Variants in LINGO2 observed in about 807,000 individuals in gnomAD.
LINGO2 encodes the protein leucine rich repeat and Ig domain containing 2, also known as leucine-rich repeat and immunoglobulin-like domain-containing nogo receptor-interacting protein 2.
Under a neutral mutation model 30.6 loss-of-function variants are expected in LINGO2, and 14 were observed. The ratio of observed to expected loss-of-function variants is 0.46; its 90% confidence interval spans 0.30 to 0.72. The LOEUF (loss-of-function observed/expected upper bound fraction) is 0.72, where lower values mean the gene tolerates loss of function less well. LINGO2 is among the 30% of genes least tolerant of loss of function. LINGO2 has a pLI of 0.07. For synonymous variants in LINGO2, 317 were observed against 288.5 expected, an observed-to-expected ratio of 1.10 and a Z score of -1.00; for missense variants, 729 against 751.7, an observed-to-expected ratio of 0.97 and a Z score of 0.35.
chr9:29,176,079 AT>A, the LINGO2 span, among the ~76,000 whole-genome samples: 1 of 152,282 alleles, frequency 6.6e-6, no homozygotes, highest in East Asian at 1.9e-4. Context: ...TGAGAGACAG[AT>A]ATTTACTGAG....
the LINGO2 span, among the ~76,000 whole-genome samples, chr9:28,825,490 C>T: frequency 2.0e-5 from 3 of 151,538 alleles, no homozygotes; most frequent in Admixed American, 6.6e-5. Context: ...ACACTGACGT[C>T]AAGAACTTCC....
the LINGO2 span, among the ~76,000 whole-genome samples, chr9:28,918,300 C>A: frequency 1.3e-5 from 2 of 152,138 alleles, no homozygotes; most frequent in Admixed American, 6.5e-5. Flanking sequence ...ATGGGGAAAA[C>A]CACCCCCCCA....
chr9:28,455,543 G>A (rs1824811561), intron 2 of LINGO2, among the ~76,000 whole-genome samples: 1 of 151,996 alleles, frequency 6.6e-6, no homozygotes, highest in Non-Finnish European at 1.5e-5. Context: ...CATGAGTGTA[G>A]GATGCAACTA....
intron 4 of LINGO2, among the ~76,000 whole-genome samples, chr9:28,021,784 T>C (rs534412130): frequency 1.8e-4 from 27 of 152,282 alleles, no homozygotes; most frequent in African/African-American, 6.5e-4. Flanking sequence ...TTTCGTTTAA[T>C]ACACTACTTC....
In LINGO2 at chr9:28,073,837, G is replaced by C. The variant is rs995690035; in HGVS notation, c.-86-61432C>G. Among the ~76,000 whole-genome samples the C allele has an allele frequency of 7.2e-5, 11 of 152,188 alleles. 1 individual carries two copies. Among genetic ancestry groups the C allele is most frequent in the African/African-American group, 2.4e-4 (10 of 41,536 alleles). ...GAGGCCAGGTGTTCAAGACAAGCCT[G>C]GACAATATAGCCACACCACTCTCTC... On this transcript the variant is annotated intron_variant, in intron 4 of 5. Coordinates refer to ENST00000379992, the Ensembl canonical transcript of LINGO2.
intron 5 of LINGO2, among the ~76,000 whole-genome samples, chr9:27,954,254 A>G (rs759836899): frequency 6.6e-6 from 1 of 152,192 alleles, no homozygotes; most frequent in Non-Finnish European, 1.5e-5. Flanking sequence ...ATTATTAACT[A>G]CAGTCACTCT....
At chr9:28,675,426 A>T in the LINGO2 span, among the ~76,000 whole-genome samples, 4 of 152,134 alleles carry the variant, frequency 2.6e-5, no homozygotes, top group Non-Finnish European at 5.9e-5. Flanking sequence ...TCAAGTTCTA[A>T]ATAAAAGCTT....
the LINGO2 span, among the ~76,000 whole-genome samples, chr9:29,125,588 T>C: frequency 6.6e-6 from 1 of 152,114 alleles, no homozygotes; most frequent in African/African-American, 2.4e-5. Flanking sequence ...TCTTATTGGT[T>C]TTGATTACAG....
At chr9:29,152,414 T>G in the LINGO2 span, among the ~76,000 whole-genome samples, 1 of 152,142 alleles carries the variant, frequency 6.6e-6, no homozygotes, top group African/African-American at 2.4e-5. Flanking sequence ...TCAAGCTAGG[T>G]GCCATCAACA....
At chr9:29,046,543 G>T in the LINGO2 span, among the ~76,000 whole-genome samples, 1 of 152,082 alleles carries the variant, frequency 6.6e-6, no homozygotes, top group African/African-American at 2.4e-5. Context: ...CTAGCCATAT[G>T]CAGAAGATTG....
At chr9:27,957,812 A>G (rs1819650669) in intron 5 of LINGO2, among the ~76,000 whole-genome samples, 1 of 152,248 alleles carries the variant, frequency 6.6e-6, no homozygotes, top group Non-Finnish European at 1.5e-5. Context: ...ATATTATAAC[A>G]GTATTGAACA....
chr9:29,179,589 G>C, the LINGO2 span, among the ~76,000 whole-genome samples: 1 of 152,018 alleles, frequency 6.6e-6, no homozygotes, highest in South Asian at 2.1e-4. Context: ...ATTTTTAGTA[G>C]AGACAGGGTT....
the LINGO2 span, among the ~76,000 whole-genome samples, chr9:28,931,319 G>A: frequency 6.6e-6 from 1 of 152,188 alleles, no homozygotes; most frequent in Admixed American, 6.5e-5. Flanking sequence ...TTAATTTGCA[G>A]TTCTTTTTCA....
chr9:28,413,538 G>A (rs562316824), intron 2 of LINGO2, among the ~76,000 whole-genome samples: 2 of 152,022 alleles, frequency 1.3e-5, no homozygotes, highest in African/African-American at 4.8e-5. Flanking sequence ...ACAAATCACT[G>A]AGCTCTCTGG....
chr9:29,088,974 G>A, the LINGO2 span, among the ~76,000 whole-genome samples: 25,120 of 151,822 alleles, frequency 0.17, 2,198 homozygotes, highest in East Asian at 0.34. Flanking sequence ...TCTTCTCTAC[G>A]TGTGCTAACC....
chr9:28,830,696 C>T, the LINGO2 span, among the ~76,000 whole-genome samples: 2 of 152,154 alleles, frequency 1.3e-5, no homozygotes, highest in Admixed American at 1.3e-4. Flanking sequence ...AATCCTAAAG[C>T]TTTACTTCTC....
chr9:28,158,747 C>A (rs1828206206), intron 4 of LINGO2, among the ~76,000 whole-genome samples: 1 of 152,140 alleles, frequency 6.6e-6, no homozygotes, highest in South Asian at 2.1e-4. Context: ...CATGGGTGCA[C>A]AGCAGCTTCC....
chr9:28,777,195 G>A, the LINGO2 span, among the ~76,000 whole-genome samples: 18 of 152,034 alleles, frequency 1.2e-4, no homozygotes, highest in Non-Finnish European at 1.0e-4. Context: ...ACCCAGTCTC[G>A]GGTAGCTCTT....
At chr9:28,601,548 TGTGGCAATTGAGTGA>T (rs59000561) in intron 1 of LINGO2, among the ~76,000 whole-genome samples, 65,915 of 151,496 alleles carry the variant, frequency 0.44, 15,060 homozygotes, top group African/African-American at 0.57. Flanking sequence ...AATCAGAGTG[TGTGGCAATTGAGTGA>T]GTGGCACAAT....
Sources: gnomAD v4.1 joint callset for allele counts (sites outside exome capture counted in the v4.1 genomes callset) on GRCh38, gnomAD v4.1.1 for gene constraint, MANE v1.5 for transcripts, NCBI Gene and HGNC (gene_info 2026-07-23, HGNC 2026-07-21) for gene names.